The following CDK14 variants were observed in gnomAD, a reference collection of about 807,000 sequenced individuals.
CDK14 encodes cyclin-dependent kinase 14.
CDK14 carries 34 observed loss-of-function variants against 60.7 expected under a neutral mutation model. That is an observed-to-expected ratio of 0.56 (90% confidence interval 0.43 to 0.75). The LOEUF is 0.75. CDK14 is among the 30% of genes least tolerant of loss of function. The pLI, the probability that CDK14 is intolerant of heterozygous loss-of-function variation, is 0.00. For synonymous variants in CDK14, 197 were observed against 203.7 expected, an observed-to-expected ratio of 0.97 and a Z score of 0.28; for missense variants, 482 against 564.1, an observed-to-expected ratio of 0.85 and a Z score of 1.47.
chr7:91,050,143 G>C (rs1797348799), intron 11 of CDK14, among the ~76,000 whole-genome samples: 1 of 152,136 alleles, frequency 6.6e-6, no homozygotes, highest in South Asian at 2.1e-4. Context: ...GGGCCTTGAG[G>C]GATACCCTGA....
chr7:90,617,793 T>TCA (rs1292329287), intron 2 of CDK14, among the ~76,000 whole-genome samples: 42 of 152,140 alleles, frequency 2.8e-4, no homozygotes, highest in African/African-American at 9.9e-4. Flanking sequence ...ATCCTTCGGG[T>TCA]AGTAATTTGT....
rs147711520 is a variant in CDK14 at position 91,146,246 on chromosome 7, G to A, written c.*28+28038G>A. Among the ~76,000 whole-genome samples the A allele has an allele frequency of 2.6e-3, 400 of 152,280 alleles. 5 individuals carry two copies. The highest frequency in any genetic ancestry group is 0.024 in the East Asian group (122 of 5,186). Reference sequence around the variant, plus strand: ...GACAGAGTCTTGCTCTGTTGCCCAGGCTGGAGTGCAATAGCGCAATATTGG... The same window carrying A: ...GACAGAGTCTTGCTCTGTTGCCCAGACTGGAGTGCAATAGCGCAATATTGG... On this transcript the variant is annotated intron_variant, in intron 14 of 14. Coordinates refer to ENST00000380050, the MANE Select transcript of CDK14 (RefSeq NM_001287135.2).
At chr7:90,994,657 A>G (rs1403239679) in intron 10 of CDK14, among the ~76,000 whole-genome samples, 1 of 152,218 alleles carries the variant, frequency 6.6e-6, no homozygotes, top group Non-Finnish European at 1.5e-5. Context: ...CATACTCCTT[A>G]TAGCCATTAT....
chr7:91,163,203 A>G (rs1801223184), intron 14 of CDK14, among the ~76,000 whole-genome samples: 1 of 152,234 alleles, frequency 6.6e-6, no homozygotes, highest in Non-Finnish European at 1.5e-5. Context: ...TTGCTGGATC[A>G]TAGTTATATT....
chr7:91,109,588 A>G lies in CDK14; in HGVS notation c.1155-2954A>G, dbSNP rs975656176. On this transcript the variant is annotated intron_variant, in intron 12 of 14. Coordinates refer to ENST00000380050, the MANE Select transcript of CDK14 (RefSeq NM_001287135.2). ...AAATAGGATGCAGAATTAATCTGGT[A>G]GCAGTAATTCCAAATATATCAATAA... is the stretch of plus-strand genomic sequence containing the variant. Among the ~76,000 whole-genome samples the G allele has an allele frequency of 2.0e-5, 3 of 152,168 alleles. No homozygotes were observed. In the South Asian group the frequency reaches 6.2e-4, roughly 32 times the overall value.
intron 14 of CDK14, among the ~76,000 whole-genome samples, chr7:91,203,933 C>T (rs1004859532): frequency 3.3e-5 from 5 of 152,252 alleles, no homozygotes; most frequent in Middle Eastern, 3.4e-3. Flanking sequence ...GCACGTTCTT[C>T]GTTTCCCTGA....
intron 4 of CDK14, among the ~76,000 whole-genome samples, chr7:90,760,881 T>A (rs1237074027): frequency 6.6e-6 from 1 of 152,226 alleles, no homozygotes; most frequent in East Asian, 1.9e-4. Context: ...GTTCCTATCC[T>A]TAGCTAGTCC....
At chr7:91,118,280 C>A in intron 14 of CDK14, 72 bp downstream of exon 14, 1 of 707,020 alleles carries the variant, frequency 1.4e-6, no homozygotes, top group South Asian at 1.9e-5. Context: ...TGAAATATTT[C>A]AGACTCGTTT....
chr7:90,857,958 C>T (rs112053893), intron 5 of CDK14, among the ~76,000 whole-genome samples: 3 of 152,280 alleles, frequency 2.0e-5, no homozygotes, highest in African/African-American at 4.8e-5. Context: ...AAATTAGTGG[C>T]TCTGTGCTTT....
chr7:90,607,335 A>G (rs951187755), intron 2 of CDK14, among the ~76,000 whole-genome samples: 2 of 152,180 alleles, frequency 1.3e-5, no homozygotes, highest in South Asian at 2.1e-4. Flanking sequence ...TAGGTATGCA[A>G]TAAGGTGTGG....
intron 2 of CDK14, among the ~76,000 whole-genome samples, chr7:90,638,058 C>T (rs1028576267): frequency 2.0e-5 from 3 of 150,092 alleles, no homozygotes; most frequent in Non-Finnish European, 2.9e-5. Context: ...GAATACAACA[C>T]ACTGATGGGT....
chr7:91,021,285 A>G (rs1295449800), intron 10 of CDK14, among the ~76,000 whole-genome samples: 6 of 152,328 alleles, frequency 3.9e-5, no homozygotes, highest in African/African-American at 1.4e-4. Flanking sequence ...TCTTCACAAC[A>G]TGGGACTTAA....
chr7:90,718,485 G>A (rs1802331898), intron 2 of CDK14, among the ~76,000 whole-genome samples: 1 of 152,086 alleles, frequency 6.6e-6, no homozygotes, highest in Admixed American at 6.6e-5. Flanking sequence ...TCATTTTACA[G>A]ATGAGAAGAC....
intron 3 of CDK14, among the ~76,000 whole-genome samples, chr7:90,747,104 A>G (rs1803626214): frequency 6.6e-6 from 1 of 152,178 alleles, no homozygotes; most frequent in African/African-American, 2.4e-5. Context: ...TTTCAGTAAA[A>G]CTTTATGAAC....
intron 3 of CDK14, among the ~76,000 whole-genome samples, chr7:90,731,630 G>C (rs1230503282): frequency 6.6e-6 from 1 of 151,910 alleles, no homozygotes; most frequent in African/African-American, 2.4e-5. Context: ...CTCATGATTT[G>C]GCTGTCTGTT....
chr7:90,693,468 C>T (rs912199810), intron 2 of CDK14, among the ~76,000 whole-genome samples: 1 of 152,188 alleles, frequency 6.6e-6, no homozygotes, highest in Admixed American at 6.5e-5. Context: ...TAATGAATAG[C>T]TTATGCAGGC....
rs145873689 is a variant in CDK14, at chr7:91,070,797, A to T, written c.1106-8635A>T. 2.1e-3 allele frequency among the ~76,000 whole-genome samples: 324 copies of T among 151,908 alleles called. 1 individual carries two copies. Among genetic ancestry groups the T allele is most frequent in the Middle Eastern group, 6.8e-3 (2 of 294 alleles). On this transcript the variant is annotated intron_variant, in intron 11 of 14. Coordinates refer to ENST00000380050, the MANE Select transcript of CDK14 (RefSeq NM_001287135.2). The stretch of plus-strand genomic sequence containing the variant: ...GGAAATGTTAAAAAAAAGAGAAAGA[A>T]ATGTTCAAAACTTGCCCCAATAATT...
At chr7:91,091,520 T>TATATATA (rs1268235380) in intron 12 of CDK14, among the ~76,000 whole-genome samples, 12 of 140,890 alleles carry the variant, frequency 8.5e-5, no homozygotes, top group African/African-American at 1.1e-4. Context: ...TATATATAAA[T>TATATATA]TAGCCAGGCA....
intron 5 of CDK14, among the ~76,000 whole-genome samples, chr7:90,857,920 T>C (rs1387557986): frequency 6.6e-6 from 1 of 152,202 alleles, no homozygotes; most frequent in Non-Finnish European, 1.5e-5. Flanking sequence ...TTCTGTCCAT[T>C]AATGCCATTT....
Sources: gnomAD v4.1 joint callset for allele counts (sites outside exome capture counted in the v4.1 genomes callset) on GRCh38, gnomAD v4.1.1 for gene constraint, MANE v1.5 for transcripts, NCBI Gene and HGNC (gene_info 2026-07-23, HGNC 2026-07-21) for gene names.